The following PNLIP variants were observed in gnomAD, a reference collection of about 807,000 sequenced individuals.
The protein encoded by PNLIP is pancreatic triacylglycerol lipase.
A neutral mutation model predicts 57.1 loss-of-function variants in PNLIP; 49 were observed. That is an observed-to-expected ratio of 0.86 (90% CI 0.68 to 1.09). The LOEUF is 1.09. PNLIP is among the 50% of genes least tolerant of loss of function. The probability of loss-of-function intolerance (pLI) is 0.00; values close to 1 mark genes in which losing one functional copy is unlikely to be tolerated. For synonymous variants in PNLIP, 209 were observed against 200.4 expected (o/e 1.04, Z -0.36); for missense variants, 503 against 570.2 (o/e 0.88, Z 1.20).
At position 116,545,932 on chromosome 10, in the gene PNLIP, C is replaced by T. The variant is rs572367398; in HGVS notation, c.-27C>T. 6 of 572,274 alleles carry T rather than the reference C, an allele frequency of 1.0e-5. No homozygotes were observed. The highest frequency in any genetic ancestry group is 8.7e-5 in the Admixed American group (3 of 34,428). The allele number at this position is 572,274 out of a possible 1,614,324, so 35.4% of individuals were successfully genotyped here. A position where few individuals can be genotyped will look rare whatever the true frequency, so the allele number is the denominator to read the frequency against. ...AGGAGTTTTTGTTGCTATCTGGTTG[C>T]GTGTGGAACCTGACGGAACTGCCAC... On this transcript the variant is annotated 5_prime_UTR_variant, in exon 1 of 13. Coordinates refer to ENST00000369221, the MANE Select transcript of PNLIP (RefSeq NM_000936.4).
chr10:116,547,578 T>G, intron 3 of PNLIP, 130 bp downstream of exon 3: 1 of 690,960 alleles, frequency 1.4e-6, no homozygotes, highest in Non-Finnish European at 2.4e-6. Flanking sequence ...TACAAACAAT[T>G]AGCCAGGCGT....
chr10:116,549,579 C>T (rs1234117724), intron 4 of PNLIP, among the ~76,000 whole-genome samples: 1 of 152,256 alleles, frequency 6.6e-6, no homozygotes, highest in South Asian at 2.1e-4. Context: ...ACTCCAGAAC[C>T]TATCCATTGA....
At chr10:116,550,603 C>A (rs1257294642) in intron 4 of PNLIP, among the ~76,000 whole-genome samples, 2 of 152,130 alleles carry the variant, frequency 1.3e-5, no homozygotes, top group Non-Finnish European at 2.9e-5. Flanking sequence ...TATTTACCTT[C>A]AATGTATTTA....
At chr10:116,567,336 A>G (rs935066903) in intron 12 of PNLIP, among the ~76,000 whole-genome samples, 3 of 152,048 alleles carry the variant, frequency 2.0e-5, no homozygotes, top group African/African-American at 7.2e-5. Flanking sequence ...TTTCAGTTCA[A>G]ATATTGAATT....
intron 5 of PNLIP, 69 bp from the exon 6 acceptor site, chr10:116,553,658 C>T (rs933057695): frequency 9.4e-6 from 8 of 847,964 alleles, no homozygotes; most frequent in East Asian, 7.5e-5. Context: ...TTTCTTGTAA[C>T]GTATCCCTGT....
chr10:116,561,503 A>G lies in PNLIP; in HGVS notation c.1201A>G (p.Asn401Asp), dbSNP rs755433242. The G allele has an allele frequency of 2.0e-5, 32 of 1,613,842 alleles. No homozygotes were observed. In the South Asian group the frequency reaches 3.5e-4, roughly 18 times the overall value. Reference protein sequence around the residue: ...GTLKPDSTHSNEFDSDVDVGD... With the variant: ...GTLKPDSTHSDEFDSDVDVGD... ...TCTCAAACCAGATAGTACTCATTCC[A>G]ATGAATTTGACTCAGATGTGGATGT... The change falls in exon 12 of 13, where the codon AAT becomes GAT. Residue 401 changes from asparagine to aspartate, a missense_variant. Coordinates refer to ENST00000369221, the MANE Select transcript of PNLIP (RefSeq NM_000936.4).
At chr10:116,555,031 A>G (rs910103830) in intron 6 of PNLIP, 147 bp from the exon 7 acceptor site, 2 of 880,262 alleles carry the variant, frequency 2.3e-6, no homozygotes, top group Non-Finnish European at 3.5e-6. Context: ...TTCACTTTAA[A>G]GCAAATAGCT....
At chr10:116,559,382 T>C (rs1370356765) in intron 10 of PNLIP, 99 bp downstream of exon 10, 1 of 864,534 alleles carries the variant, frequency 1.2e-6, no homozygotes, top group Non-Finnish European at 1.8e-6. Context: ...ACAAAAGCTT[T>C]AAACACCCCC....
intron 2 of PNLIP, 101 bp from the exon 3 acceptor site, chr10:116,547,193 G>C: frequency 1.8e-6 from 2 of 1,099,050 alleles, no homozygotes; most frequent in Non-Finnish European, 2.8e-6. Context: ...AGTAGCAGAG[G>C]AGGAAAGTCT....
chr10:116,546,698 T>C (rs1317533427), intron 2 of PNLIP, among the ~76,000 whole-genome samples: 1 of 152,216 alleles, frequency 6.6e-6, no homozygotes, highest in Non-Finnish European at 1.5e-5. Flanking sequence ...GCTGCTACTC[T>C]TACTCCTACC....
At chr10:116,564,309 C>T (rs1255003744) in intron 12 of PNLIP, among the ~76,000 whole-genome samples, 2 of 151,974 alleles carry the variant, frequency 1.3e-5, no homozygotes, top group Non-Finnish European at 2.9e-5. Context: ...AAAAACCACA[C>T]ATTAGAAGAG....
chr10:116,559,305 C>T, intron 10 of PNLIP, 22 bp downstream of exon 10: 2 of 1,513,042 alleles, frequency 1.3e-6, no homozygotes, highest in South Asian at 1.1e-5. Flanking sequence ...TTTTCTGTAT[C>T]TTATATTCTT....
At chr10:116,547,619 G>A (rs1337468047) in intron 3 of PNLIP, among the ~76,000 whole-genome samples, 171 bp downstream of exon 3, 6 of 151,504 alleles carry the variant, frequency 4.0e-5, no homozygotes, top group Non-Finnish European at 7.4e-5. Flanking sequence ...CCAGCTACTC[G>A]GGAAACTGAA....
intron 5 of PNLIP, among the ~76,000 whole-genome samples, chr10:116,553,501 A>AGC (rs1295845271): frequency 2.0e-5 from 3 of 152,242 alleles, no homozygotes; most frequent in African/African-American, 7.2e-5. Flanking sequence ...CCTAGAGTAC[A>AGC]CAGAACAGTA....
rs112168013 is a variant in PNLIP, at chr10:116,548,237, G to A, written c.202-123G>A. On this transcript the variant is annotated intron_variant, in intron 3 of 12. Transcript: ENST00000369221. ...TAGTGAATACTGTGGTTGCTATGGA[G>A]GAATCATTATTCACAAGGATCCTGA... 2.6e-4 allele frequency: 219 copies of A among 846,184 alleles called. No individual in the cohort carries two copies. In the African/African-American group the frequency reaches 3.0e-3, roughly 12 times the overall value. The allele number at this position is 846,184 out of a possible 1,614,324, so 52.4% of individuals were successfully genotyped here.
intron 2 of PNLIP, among the ~76,000 whole-genome samples, chr10:116,546,633 T>C (rs929762696): frequency 5.9e-5 from 9 of 152,142 alleles, no homozygotes; most frequent in African/African-American, 2.2e-4. Context: ...TAGTAAACCA[T>C]CCAACCCAGC....
chr10:116,555,914 A>G, intron 8 of PNLIP, 86 bp from the exon 9 acceptor site: 1 of 800,574 alleles, frequency 1.2e-6, no homozygotes, highest in Middle Eastern at 2.4e-4. Context: ...AATTAGAGAA[A>G]TCTATTCAAC....
chr10:116,560,022 T>C (rs1847295710), intron 10 of PNLIP, among the ~76,000 whole-genome samples: 1 of 152,126 alleles, frequency 6.6e-6, no homozygotes, highest in Non-Finnish European at 1.5e-5. Context: ...TAAAATTTGG[T>C]GATCTATGAA....
At chr10:116,562,224 C>A (rs1774324391) in intron 12 of PNLIP, among the ~76,000 whole-genome samples, 1 of 152,174 alleles carries the variant, frequency 6.6e-6, no homozygotes, top group Non-Finnish European at 1.5e-5. Flanking sequence ...GAGGCAAGCA[C>A]TGTGCTTCTG....
Sources: gnomAD v4.1 joint callset for allele counts (sites outside exome capture counted in the v4.1 genomes callset) on GRCh38, gnomAD v4.1.1 for gene constraint, MANE v1.5 for transcripts, NCBI Gene and HGNC (gene_info 2026-07-23, HGNC 2026-07-21) for gene names.